FLI1: variants seen among roughly 807,000 people sequenced by gnomAD.
The protein encoded by FLI1 is Fli-1 proto-oncogene, ETS transcription factor, also known as Friend leukemia integration 1 transcription factor.
In FLI1, 13 loss-of-function variants were observed where a neutral mutation model predicts 53.1. The ratio of observed to expected loss-of-function variants is 0.24; its 90% CI spans 0.16 to 0.39. FLI1 has a LOEUF of 0.39. Ranked by LOEUF, FLI1 falls within the 10% of genes least tolerant of loss-of-function variation. The pLI, the probability that FLI1 is intolerant of heterozygous loss-of-function variation, is 1.00. For synonymous variants in FLI1, 244 were observed against 236.7 expected, an observed-to-expected ratio of 1.03 and a Z score of -0.28; for missense variants, 424 against 600.5, an observed-to-expected ratio of 0.71 and a Z score of 3.07.
chr11:128,804,997 C>T, intron 5 of FLI1: 1 of 179,494 alleles, frequency 5.6e-6, no homozygotes, highest in South Asian at 1.8e-4. Context: ...TGATCATTTC[C>T]ACAACCCCAT....
chr11:128,810,324 C>CA lies in FLI1; in HGVS notation c.830-133dup, dbSNP rs1942904803. 1 of 848,720 alleles carries CA rather than the reference C, an allele frequency of 1.2e-6. No individual in the cohort carries two copies. The highest frequency in any genetic ancestry group is 1.7e-5 in the African/African-American group (1 of 58,246). 52.6% of individuals were successfully genotyped at this position (848,720 alleles called of 1,614,324 possible). On this transcript the variant is annotated intron_variant, in intron 8 of 8. Transcript: ENST00000527786. The surrounding 1 kb of genome is among the most constrained non-coding windows in gnomAD (Gnocchi z 6.6). ...CAACAATGACATAAGAAGGGCTTGT[C>CA]AAGTCGATCCCAATGTCGAAGGAAA...
chr11:128,789,667 G>A (rs1264114596), intron 5 of FLI1, among the ~76,000 whole-genome samples: 1 of 152,216 alleles, frequency 6.6e-6, no homozygotes, highest in Non-Finnish European at 1.5e-5. Context: ...CAGTACTTGG[G>A]AAGGCGGGCA....
chr11:128,726,004 T>A (rs1196475123), intron 1 of FLI1, among the ~76,000 whole-genome samples: 1 of 152,134 alleles, frequency 6.6e-6, no homozygotes, highest in Non-Finnish European at 1.5e-5. Flanking sequence ...AGGGGAGGCC[T>A]CTCTGGAATG....
chr11:128,712,459 C>G (rs1443680304), intron 1 of FLI1, among the ~76,000 whole-genome samples: 1 of 152,088 alleles, frequency 6.6e-6, no homozygotes, highest in African/African-American at 2.4e-5. Context: ...CTATGGTACA[C>G]TGTATTAGTC....
intron 5 of FLI1, among the ~76,000 whole-genome samples, chr11:128,794,160 T>A (rs1159334433): frequency 6.6e-6 from 1 of 152,246 alleles, no homozygotes; most frequent in African/African-American, 2.4e-5. Context: ...CAGATGCAGT[T>A]GGCCTTGCTT....
intron 5 of FLI1, among the ~76,000 whole-genome samples, chr11:128,801,422 GA>G (rs926741107): frequency 2.0e-5 from 3 of 152,114 alleles, no homozygotes; most frequent in Non-Finnish European, 2.9e-5. Flanking sequence ...CTTTTAGTAG[GA>G]AAAAAATATG....
At chr11:128,805,135 A>T (rs964592737) in intron 5 of FLI1, 3 of 404,812 alleles carry the variant, frequency 7.4e-6, no homozygotes, top group Admixed American at 4.4e-5. Flanking sequence ...CTGACTTCAC[A>T]TTCAGGGTTC....
At chr11:128,770,355 C>T (rs1288320488) in intron 3 of FLI1, among the ~76,000 whole-genome samples, 2 of 152,246 alleles carry the variant, frequency 1.3e-5, no homozygotes, top group East Asian at 3.8e-4. Flanking sequence ...TGGCTTCCTC[C>T]AGGCCAGGCT....
chr11:128,748,564 C>T (rs1198399854), intron 1 of FLI1, among the ~76,000 whole-genome samples: 2 of 151,786 alleles, frequency 1.3e-5, no homozygotes, highest in Non-Finnish European at 2.9e-5. Context: ...CCCTGGGAGG[C>T]AGAGGTTGCG....
chr11:128,781,672 G>A (rs1451026161), intron 4 of FLI1, among the ~76,000 whole-genome samples: 16 of 152,160 alleles, frequency 1.1e-4, no homozygotes, highest in Non-Finnish European at 2.1e-4. Context: ...AGACCACAGC[G>A]CTTCAGAACT....
chr11:128,758,863 C>T (rs952111772), intron 2 of FLI1, among the ~76,000 whole-genome samples: 3 of 152,140 alleles, frequency 2.0e-5, no homozygotes, highest in Non-Finnish European at 2.9e-5. Context: ...TGGGTCAGTT[C>T]GGGCTTTGCT....
chr11:128,767,993 C>A (rs1369434697), intron 2 of FLI1, 125 bp from the exon 3 acceptor site: 2 of 774,520 alleles, frequency 2.6e-6, no homozygotes, highest in East Asian at 2.7e-5. Flanking sequence ...ATCATCATGA[C>A]ACCAAGTGTG....
chr11:128,802,315 A>G (rs1411265768), intron 5 of FLI1, among the ~76,000 whole-genome samples: 2 of 152,180 alleles, frequency 1.3e-5, no homozygotes, highest in Non-Finnish European at 2.9e-5. Context: ...GAGCCTACGG[A>G]GTGCTTTTGT....
At position 128,749,881 on chromosome 11, in the gene FLI1, G is replaced by GCCTTGCTAA. The variant is rs1431540107; in HGVS notation, c.19-8232_19-8224dup. ...AGAGGAGAGAGAAGCAAAAGGCTTG[G>GCCTTGCTAA]CCTTGCTAACAGCGGCCACCTGCTC... On this transcript the variant is annotated intron_variant, in intron 1 of 8. Transcript: ENST00000527786. Among the ~76,000 whole-genome samples the GCCTTGCTAA allele has an allele frequency of 2.6e-5, 4 of 152,178 alleles. No homozygotes were observed. The East Asian group carries it at 7.7e-4, about 29-fold the overall frequency.
At chr11:128,702,248 A>G (rs1938361842) in intron 1 of FLI1, among the ~76,000 whole-genome samples, 1 of 152,254 alleles carries the variant, frequency 6.6e-6, no homozygotes, top group African/African-American at 2.4e-5. Flanking sequence ...ATTCATGTAA[A>G]TGAACAAGAA....
intron 1 of FLI1, among the ~76,000 whole-genome samples, chr11:128,719,393 G>A (rs1359539882): frequency 7.8e-6 from 1 of 127,658 alleles, no homozygotes; most frequent in African/African-American, 3.0e-5. Context: ...GTGTGTGTGT[G>A]TGTAAAATCT....
upstream of FLI1, chr11:128,693,941 CGAGA>C (rs57930585): frequency 0.066 from 11,443 of 172,250 alleles, 138 homozygotes; most frequent in Admixed American, 0.11. Flanking sequence ...GAGCTCGAGG[CGAGA>C]GAGAGAGAGA....
intron 1 of FLI1, among the ~76,000 whole-genome samples, chr11:128,718,583 T>G (rs1939118217): frequency 6.6e-6 from 1 of 152,220 alleles, no homozygotes. Flanking sequence ...TTTCACTTGT[T>G]TCCTGCACCT....
intron 2 of FLI1, chr11:128,764,761 A>G: frequency 6.3e-7 from 1 of 1,589,202 alleles, no homozygotes; most frequent in Non-Finnish European, 8.5e-7. Context: ...CGCTGGCTGG[A>G]GGAGGCACGG....
Sources: gnomAD v4.1 joint callset for allele counts (sites outside exome capture counted in the v4.1 genomes callset) on GRCh38, gnomAD v4.1.1 for gene constraint, Gnocchi (gnomAD v3.1) non-coding constraint, MANE v1.5 for transcripts, NCBI Gene and HGNC (gene_info 2026-07-23, HGNC 2026-07-21) for gene names.